FBXL13: variants seen among roughly 807,000 people sequenced by gnomAD.
FBXL13 encodes the protein F-box and leucine-rich repeat protein 13.
Under a neutral mutation model 83.6 loss-of-function variants are expected in FBXL13, and 67 were observed. The observed-to-expected ratio is 0.80, with a 90% CI of 0.66 to 0.98. FBXL13 has a LOEUF of 0.98. Among genes scored for constraint, FBXL13 ranks in the 50% least tolerant of loss-of-function variants. The pLI is 0.00. For synonymous variants in FBXL13, 272 were observed against 299.5 expected, an observed-to-expected ratio of 0.91 and a Z score of 0.95; for missense variants, 822 against 866.5, an observed-to-expected ratio of 0.95 and a Z score of 0.64.
At chr7:102,965,523 T>G (rs965793589) in intron 7 of FBXL13, among the ~76,000 whole-genome samples, 1 of 152,188 alleles carries the variant, frequency 6.6e-6, no homozygotes, top group Non-Finnish European at 1.5e-5. Context: ...AAGCATGGAA[T>G]AGGACTAAAA....
intron 6 of FBXL13, among the ~76,000 whole-genome samples, chr7:102,980,168 T>A (rs1828014802): frequency 6.6e-6 from 1 of 152,176 alleles, no homozygotes; most frequent in South Asian, 2.1e-4. Flanking sequence ...AAAACAATTT[T>A]GAAAAAGAAC....
chr7:102,918,052 A>G (rs926629631), intron 10 of FBXL13, among the ~76,000 whole-genome samples: 2 of 152,224 alleles, frequency 1.3e-5, no homozygotes, highest in Non-Finnish European at 2.9e-5. Flanking sequence ...CTTGGCAAGT[A>G]CTTTTTTTGG....
chr7:102,899,781 A>C (rs1304625309), intron 11 of FBXL13, among the ~76,000 whole-genome samples: 1 of 152,182 alleles, frequency 6.6e-6, no homozygotes, highest in Non-Finnish European at 1.5e-5. Context: ...TGTGTATCTA[A>C]TCCCCAAAGA....
intron 17 of FBXL13, among the ~76,000 whole-genome samples, chr7:102,854,393 G>T (rs1269072716): frequency 1.3e-5 from 2 of 152,168 alleles, no homozygotes; most frequent in South Asian, 4.2e-4. Flanking sequence ...AGAGGGGAGG[G>T]ATAGCATTGG....
rs1430077240 is a variant in FBXL13 at position 103,000,195 on chromosome 7, T to G, written c.495+24868A>C. ...TCAGGAGTATGTTGGTCAATTTCCA[T>G]GTGTTTGTATAGTTTCCAAAGTCAT... On this transcript the variant is annotated intron_variant, in intron 6 of 19. Transcript: ENST00000313221. 2.0e-4 allele frequency among the ~76,000 whole-genome samples: 31 copies of G among 152,140 alleles called. 1 individual carries two copies. The highest frequency in any genetic ancestry group is 2.0e-3 in the Admixed American group (31 of 15,264).
intron 1 of FBXL13, among the ~76,000 whole-genome samples, chr7:103,066,350 G>A (rs555007517): frequency 1.3e-4 from 20 of 151,262 alleles, no homozygotes; most frequent in African/African-American, 4.6e-4. Flanking sequence ...TTCACATCTT[G>A]TCCTAAGAAA....
At chr7:102,959,317 C>CGGGAA (rs1824802825) in intron 8 of FBXL13, among the ~76,000 whole-genome samples, 3 of 151,932 alleles carry the variant, frequency 2.0e-5, no homozygotes, top group Admixed American at 6.6e-5. Flanking sequence ...ACTTCTTCCC[C>CGGGAA]ATTCCATTAA....
intron 6 of FBXL13, among the ~76,000 whole-genome samples, chr7:102,987,248 A>G (rs1264348626): frequency 6.6e-6 from 1 of 152,202 alleles, no homozygotes; most frequent in Non-Finnish European, 1.5e-5. Context: ...TTTCACCAGT[A>G]TATAATTCAT....
intron 1 of FBXL13, among the ~76,000 whole-genome samples, chr7:103,072,501 G>A (rs895115736): frequency 6.6e-6 from 1 of 152,128 alleles, no homozygotes; most frequent in African/African-American, 2.4e-5. Flanking sequence ...GGGAACTGGG[G>A]ACTGCCTCAT....
At chr7:102,868,899 C>T (rs1045916639) in intron 16 of FBXL13, among the ~76,000 whole-genome samples, 26 of 152,218 alleles carry the variant, frequency 1.7e-4, no homozygotes, top group Non-Finnish European at 2.9e-4. Context: ...AACTCCTGGC[C>T]TCAAGTGATC....
At chr7:102,956,193 G>T (rs1360501165) in intron 8 of FBXL13, among the ~76,000 whole-genome samples, 1 of 152,094 alleles carries the variant, frequency 6.6e-6, no homozygotes, top group Non-Finnish European at 1.5e-5. Context: ...CCACAATCAA[G>T]TTGGCTTCAT....
intron 18 of FBXL13, among the ~76,000 whole-genome samples, chr7:102,831,431 A>ACACAC (rs1033135095): frequency 1.4e-5 from 2 of 147,236 alleles, no homozygotes; most frequent in African/African-American, 5.0e-5. Flanking sequence ...ACACACACAC[A>ACACAC]CCCCACTACA....
chr7:102,878,113 C>A (rs1467212861), intron 15 of FBXL13, among the ~76,000 whole-genome samples: 1 of 152,090 alleles, frequency 6.6e-6, no homozygotes, highest in African/African-American at 2.4e-5. Context: ...AGGAACGACT[C>A]CCTCAGATGT....
intron 6 of FBXL13, among the ~76,000 whole-genome samples, chr7:103,022,439 C>A (rs1340472378): frequency 6.6e-6 from 1 of 151,960 alleles, no homozygotes; most frequent in Non-Finnish European, 1.5e-5. Flanking sequence ...TGTAACAAAC[C>A]TGCACGTTGT....
chr7:102,983,570 C>T (rs774596169), intron 6 of FBXL13, among the ~76,000 whole-genome samples: 26 of 151,930 alleles, frequency 1.7e-4, no homozygotes, highest in Non-Finnish European at 3.5e-4. Flanking sequence ...TAAGTGCCTA[C>T]CACAATGCCC....
intron 1 of FBXL13, among the ~76,000 whole-genome samples, chr7:103,062,038 A>C (rs1419197191): frequency 4.0e-5 from 6 of 151,392 alleles, no homozygotes; most frequent in East Asian, 1.9e-4. Flanking sequence ...AAAAAAAAAA[A>C]AAAAAACAAA....
intron 5 of FBXL13, 41 bp downstream of exon 6, chr7:103,027,408 A>C: frequency 7.2e-7 from 1 of 1,394,050 alleles, no homozygotes; most frequent in Non-Finnish European, 1.0e-6. Context: ...AATATAACTG[A>C]AACATTCGGA....
intron 1 of FBXL13, among the ~76,000 whole-genome samples, chr7:103,063,363 T>A (rs912240596): frequency 6.6e-6 from 1 of 152,210 alleles, no homozygotes; most frequent in Non-Finnish European, 1.5e-5. Flanking sequence ...ATATAAGTAA[T>A]CTAAAGATGA....
chr7:103,006,323 A>G (rs959817842), intron 6 of FBXL13, among the ~76,000 whole-genome samples: 1 of 152,236 alleles, frequency 6.6e-6, no homozygotes, highest in Non-Finnish European at 1.5e-5. Flanking sequence ...GTATGCACAG[A>G]GTGAGACACC....
Sources: gnomAD v4.1 joint callset for allele counts (sites outside exome capture counted in the v4.1 genomes callset) on GRCh38, gnomAD v4.1.1 for gene constraint, MANE v1.5 for transcripts, NCBI Gene and HGNC (gene_info 2026-07-23, HGNC 2026-07-21) for gene names.